The following SYNE2 variants were observed in gnomAD, a reference collection of about 807,000 sequenced individuals.
The protein encoded by SYNE2 is spectrin repeat containing nuclear envelope protein 2, also known as nesprin-2.
SYNE2 carries 431 observed loss-of-function variants against 856.3 expected under a neutral mutation model. That is an observed-to-expected ratio of 0.50 (90% confidence interval 0.47 to 0.55). The LOEUF is 0.55. Ranked by LOEUF, SYNE2 falls within the 20% of genes least tolerant of loss-of-function variation. The pLI, the probability that SYNE2 is intolerant of heterozygous loss-of-function variation, is 0.00. For synonymous variants in SYNE2, 2,923 were observed against 2,872.3 expected (o/e 1.02, Z -0.56); for missense variants, 8,129 against 8,023.2 (o/e 1.01, Z -0.50).
At chr14:64,114,783 A>C (rs1052743024) in intron 66 of SYNE2, among the ~76,000 whole-genome samples, 3 of 151,856 alleles carry the variant, frequency 2.0e-5, no homozygotes, top group Non-Finnish European at 4.4e-5. Context: ...ACACCCGGCT[A>C]CTTTTTGTAT....
chr14:64,068,791 G>A (rs572636077), intron 51 of SYNE2, among the ~76,000 whole-genome samples: 3 of 151,150 alleles, frequency 2.0e-5, no homozygotes, highest in African/African-American at 7.3e-5. Context: ...AACCTAGGGC[G>A]TGGGAGGTTA....
intron 18 of SYNE2, among the ~76,000 whole-genome samples, chr14:63,985,158 CG>C (rs2096615477): frequency 6.6e-6 from 1 of 151,900 alleles, no homozygotes; most frequent in Non-Finnish European, 1.5e-5. Flanking sequence ...GGTGAAACCC[CG>C]TATTTACTAA....
chr14:64,075,291 C>T (rs1012795661), intron 53 of SYNE2, among the ~76,000 whole-genome samples: 2 of 152,316 alleles, frequency 1.3e-5, no homozygotes, highest in East Asian at 1.9e-4. Context: ...GAAACTTTCC[C>T]ATACAAATGA....
chr14:63,974,991 C>T (rs557744936), intron 11 of SYNE2, among the ~76,000 whole-genome samples: 14 of 148,174 alleles, frequency 9.4e-5, no homozygotes, highest in Non-Finnish European at 1.6e-4. Flanking sequence ...ACTGCAACCT[C>T]CGCCTGCCTG....
chr14:64,092,712 T>A (rs1469718165), intron 60 of SYNE2, among the ~76,000 whole-genome samples: 1 of 152,214 alleles, frequency 6.6e-6, no homozygotes. Flanking sequence ...TATTATTTAG[T>A]CCACAGATAG....
At chr14:64,083,355 G>C (rs2097537902) in intron 57 of SYNE2, among the ~76,000 whole-genome samples, 1 of 150,482 alleles carries the variant, frequency 6.6e-6, no homozygotes, top group African/African-American at 2.4e-5. Flanking sequence ...ACCAAGACAA[G>C]AGAGAGGAAT....
At chr14:64,091,452 ACTTTAT>A (rs1242828652) in intron 60 of SYNE2, among the ~76,000 whole-genome samples, 1 of 152,180 alleles carries the variant, frequency 6.6e-6, no homozygotes, top group East Asian at 1.9e-4. Flanking sequence ...TAGAGTAGGC[ACTTTAT>A]CTTTATTTTT....
chr14:64,068,804 G>A (rs2097377788), intron 51 of SYNE2, among the ~76,000 whole-genome samples: 1 of 145,134 alleles, frequency 6.9e-6, no homozygotes, highest in South Asian at 2.2e-4. Flanking sequence ...GGAGGTTACA[G>A]TGAGCCGAGA....
At chr14:64,166,279 C>G (rs1214572832) in intron 90 of SYNE2, among the ~76,000 whole-genome samples, 1 of 152,122 alleles carries the variant, frequency 6.6e-6, no homozygotes, top group East Asian at 1.9e-4. Context: ...GCAGAGTTGA[C>G]TAGTTGCTAC....
At chr14:64,100,534 ATATATATATATATATATATATATAT>A (rs2097717851) in intron 63 of SYNE2, among the ~76,000 whole-genome samples, 1 of 46,626 alleles carries the variant, frequency 2.1e-5, no homozygotes, top group Non-Finnish European at 3.6e-5. Context: ...AAAAAAAAAT[ATATATATATATATATATATATATAT>A]ATATATATAT....
chr14:63,935,660 C>G (rs1325226857), intron 2 of SYNE2, among the ~76,000 whole-genome samples: 1 of 152,138 alleles, frequency 6.6e-6, no homozygotes, highest in Non-Finnish European at 1.5e-5. Context: ...GGACTGTGAA[C>G]TCATAAAGGT....
chr14:63,790,358 G>A (rs190243340), intron 1 of SYNE2, among the ~76,000 whole-genome samples: 66 of 151,536 alleles, frequency 4.4e-4, no homozygotes, highest in East Asian at 1.9e-4. Context: ...AGGAAGGAAA[G>A]AAGAAAAGAA....
intron 50 of SYNE2, 30 bp downstream of exon 50, chr14:64,062,925 C>G: frequency 1.2e-6 from 2 of 1,613,854 alleles, no homozygotes; most frequent in Middle Eastern, 1.6e-4. Flanking sequence ...GCCAGTAAGT[C>G]TGTGTGCAAA....
In SYNE2 at chr14:64,021,394, G is replaced by A; in HGVS notation, c.5231G>A (p.Ser1744Asn). The change falls in exon 36 of 116, where the codon AGT becomes AAT. Residue 1744 changes from serine (S) to asparagine (N), a missense_variant. Coordinates refer to ENST00000555002, the MANE Select transcript of SYNE2 (RefSeq NM_182914.3). ...GGAGAATCCAACTGCCATGCACTCA[G>A]TGGCAGCACTGCTGAGCTAAGGGAG... is the stretch of plus-strand genomic sequence containing the variant. ...LTGESNCHAL[S>N]GSTAELREDL... 1.2e-6 allele frequency: 2 copies of A among 1,614,062 alleles called. No homozygotes were observed. Among genetic ancestry groups the A allele is most frequent in the East Asian group, 2.2e-5 (1 of 44,882 alleles).
intron 1 of SYNE2, among the ~76,000 whole-genome samples, chr14:63,883,862 A>AT (rs34392423): frequency 0.36 from 47,014 of 130,420 alleles, 10,297 homozygotes; most frequent in South Asian, 0.52. Context: ...AAGCTGGTGA[A>AT]TTTTTTTTTT....
chr14:64,142,114 CTT>C (rs773882836), intron 82 of SYNE2, 26 bp downstream of exon 82: 3 of 1,613,516 alleles, frequency 1.9e-6, no homozygotes, highest in East Asian at 2.2e-5. Flanking sequence ...GAGCAGAAGT[CTT>C]TTCATTGAAA....
intron 1 of SYNE2, among the ~76,000 whole-genome samples, chr14:63,863,943 T>G (rs527526063): frequency 6.6e-6 from 1 of 152,242 alleles, no homozygotes; most frequent in South Asian, 2.1e-4. Context: ...TGCCTCAGCC[T>G]CCTGAATAGC....
At chr14:64,102,148 G>A (rs2097735674) in intron 64 of SYNE2, 106 bp downstream of exon 64, 6 of 793,902 alleles carry the variant, frequency 7.6e-6, no homozygotes, top group Admixed American at 2.0e-5. Context: ...AGACGGACTC[G>A]CTCTGTCGCC....
At chr14:63,907,906 A>C (rs944713389) in intron 1 of SYNE2, among the ~76,000 whole-genome samples, 9 of 152,202 alleles carry the variant, frequency 5.9e-5, no homozygotes, top group Non-Finnish European at 1.3e-4. Flanking sequence ...AGGATAAACA[A>C]ATTAATCATT....
Sources: gnomAD v4.1 joint callset for allele counts (sites outside exome capture counted in the v4.1 genomes callset) on GRCh38, gnomAD v4.1.1 for gene constraint, MANE v1.5 for transcripts, NCBI Gene and HGNC (gene_info 2026-07-23, HGNC 2026-07-21) for gene names.